The following SLC25A24 variants were observed in gnomAD, a reference collection of about 807,000 sequenced individuals.
SLC25A24 encodes solute carrier family 25 member 24, also known as mitochondrial adenyl nucleotide antiporter SLC25A24.
Under a neutral mutation model 60.7 loss-of-function variants are expected in SLC25A24, and 49 were observed. That is an observed-to-expected ratio of 0.81 (90% CI 0.64 to 1.02). The LOEUF is 1.02. SLC25A24 is among the 50% of genes least tolerant of loss of function. The probability of loss-of-function intolerance (pLI) is 0.00; values close to 1 mark genes in which losing one functional copy is unlikely to be tolerated. For missense variants in SLC25A24, 564 were observed against 586.3 expected, an observed-to-expected ratio of 0.96 and a Z score of 0.39; for synonymous variants, 202 against 200.6, an observed-to-expected ratio of 1.01 and a Z score of -0.06.
rs566728903 is a variant in SLC25A24 at position 108,192,767 on chromosome 1, G to A, written c.184-6813C>T. 67 of 1,339,432 alleles carry A rather than the reference G, an allele frequency of 5.0e-5. 22 individuals carry two copies. The East Asian group carries it at 2.3e-3, about 46-fold the overall frequency. The allele number at this position is 1,339,432 out of a possible 1,614,324, so 83.0% of individuals were successfully genotyped here. On this transcript the variant is annotated intron_variant, in intron 1 of 9. Transcript: ENST00000565488. ...CCTCCTCAGGGGCGCCAAACACAAT[G>A]CACCTTCATCGGTTAAAGCTCTGGA...
chr1:108,176,401 G>C (rs1251393928), intron 3 of SLC25A24, among the ~76,000 whole-genome samples: 3 of 152,118 alleles, frequency 2.0e-5, no homozygotes, highest in Non-Finnish European at 2.9e-5. Context: ...GCAAAGTTTT[G>C]AGTCACAGGA....
intron 3 of SLC25A24, among the ~76,000 whole-genome samples, chr1:108,179,373 C>T (rs1647830402): frequency 6.6e-6 from 1 of 152,024 alleles, no homozygotes; most frequent in South Asian, 2.1e-4. Context: ...TATGATCCTG[C>T]AATCCCACCA....
intron 4 of SLC25A24, among the ~76,000 whole-genome samples, chr1:108,160,312 A>T (rs1284714383): frequency 4.8e-5 from 7 of 146,452 alleles, no homozygotes; most frequent in Middle Eastern, 4.0e-3. Context: ...CACTTCCTAG[A>T]TGGGATGGCG....
chr1:108,155,983 A>ACACACT (rs1481382961), intron 5 of SLC25A24, among the ~76,000 whole-genome samples: 19 of 151,354 alleles, frequency 1.3e-4, no homozygotes, highest in African/African-American at 4.6e-4. Context: ...ACACACACAC[A>ACACACT]CTCACAGAAC....
chr1:108,170,237 G>A (rs1321543185), intron 3 of SLC25A24, among the ~76,000 whole-genome samples: 2 of 152,108 alleles, frequency 1.3e-5, no homozygotes, highest in African/African-American at 2.4e-5. Context: ...CATAAGTTGA[G>A]AAGTGTATAT....
intron 3 of SLC25A24, among the ~76,000 whole-genome samples, chr1:108,166,287 T>A (rs542132853): frequency 3.2e-4 from 48 of 151,780 alleles, no homozygotes; most frequent in African/African-American, 1.1e-3. Context: ...GTTGCTCTTC[T>A]CAAGGAGTAT....
rs536018341 is a variant in SLC25A24, at chr1:108,174,738, G to A, written c.398+7203C>T. 2.0e-5 allele frequency among the ~76,000 whole-genome samples: 3 copies of A among 152,304 alleles called. No homozygotes were observed. In the East Asian group the frequency reaches 5.8e-4, roughly 29 times the overall value. On this transcript the variant is annotated intron_variant, in intron 3 of 9. Transcript: ENST00000565488. ...AAGCCACAGGAGTGCAGATGCCCAA[G>A]GCCATGGGAGCCCACTTCTTGCATT...
chr1:108,144,018 G>A (rs1036949394), intron 7 of SLC25A24, among the ~76,000 whole-genome samples: 1 of 152,126 alleles, frequency 6.6e-6, no homozygotes, highest in African/African-American at 2.4e-5. Flanking sequence ...GAGGGAAATG[G>A]TAGTATAAAG....
chr1:108,144,904 T>C (rs1679544634), intron 7 of SLC25A24, among the ~76,000 whole-genome samples: 1 of 152,198 alleles, frequency 6.6e-6, no homozygotes, highest in South Asian at 2.1e-4. Flanking sequence ...TGTGCATGTG[T>C]CTTTATAGTA....
At chr1:108,160,927 G>C (rs1680057454) in intron 4 of SLC25A24, among the ~76,000 whole-genome samples, 1 of 152,178 alleles carries the variant, frequency 6.6e-6, no homozygotes, top group African/African-American at 2.4e-5. Context: ...CTCGGCATCA[G>C]AGGGAGACCG....
chr1:108,154,155 T>C (rs944026590), intron 6 of SLC25A24, among the ~76,000 whole-genome samples: 1 of 151,076 alleles, frequency 6.6e-6, no homozygotes, highest in Non-Finnish European at 1.5e-5. Context: ...AAGAGTATTC[T>C]CTTGCTCAAG....
chr1:108,190,544 T>C (rs140881600), intron 1 of SLC25A24, among the ~76,000 whole-genome samples: 288 of 152,320 alleles, frequency 1.9e-3, no homozygotes, highest in African/African-American at 6.7e-3. Flanking sequence ...GTTCTATTTT[T>C]ATTTATGGTC....
At chr1:108,195,732 C>CATG (rs1648474172) in intron 1 of SLC25A24, among the ~76,000 whole-genome samples, 1 of 152,118 alleles carries the variant, frequency 6.6e-6, no homozygotes, top group South Asian at 2.1e-4. Flanking sequence ...GCCATGGTAG[C>CATG]TCATGCCTGT....
chr1:108,178,340 A>G (rs1294979932), intron 3 of SLC25A24, among the ~76,000 whole-genome samples: 3 of 152,246 alleles, frequency 2.0e-5, no homozygotes, highest in Admixed American at 2.0e-4. Context: ...ACTATACTCT[A>G]GAACAAATGG....
At position 108,159,195 on chromosome 1, in the gene SLC25A24, G is replaced by A. The variant is rs562411782; in HGVS notation, c.511-1575C>T. ...TGGTATGAAATGCTAAGCAGATGAA[G>A]CAAAAAGATTCTGTAACCTTTAATG... On this transcript the variant is annotated intron_variant, in intron 4 of 9. Transcript: ENST00000565488. Among the ~76,000 whole-genome samples, 3 of 152,232 alleles carry A rather than the reference G, an allele frequency of 2.0e-5. No individual in the cohort carries two copies. The East Asian group carries it at 5.8e-4, about 29-fold the overall frequency.
chr1:108,173,702 C>A (rs1647565191), intron 3 of SLC25A24, among the ~76,000 whole-genome samples: 1 of 152,062 alleles, frequency 6.6e-6, no homozygotes, highest in East Asian at 1.9e-4. Context: ...ATTTGGAGAG[C>A]TCAGAAGACA....
chr1:108,187,927 G>GAGATATATATATATATATATATATAT (rs1553256780), intron 1 of SLC25A24, among the ~76,000 whole-genome samples: 17 of 95,746 alleles, frequency 1.8e-4, no homozygotes, highest in African/African-American at 7.1e-4. Flanking sequence ...AGACATTATA[G>GAGATATATATATATATATATATATAT]ATATATATAT....
intron 4 of SLC25A24, among the ~76,000 whole-genome samples, chr1:108,160,635 G>A (rs1680044147): frequency 6.6e-6 from 1 of 152,220 alleles, no homozygotes; most frequent in South Asian, 2.1e-4. Flanking sequence ...CCGAGATCAT[G>A]CCACTGCACC....
chr1:108,150,168 C>A (rs1446775447), intron 6 of SLC25A24, among the ~76,000 whole-genome samples: 1 of 152,210 alleles, frequency 6.6e-6, no homozygotes, highest in Non-Finnish European at 1.5e-5. Flanking sequence ...TGGACCCCCA[C>A]AGCACCTATC....
Sources: allele counts gnomAD v4.1 joint callset (sites outside exome capture counted in the v4.1 genomes callset), GRCh38; gene constraint gnomAD v4.1.1; transcripts MANE v1.5; gene names NCBI Gene and HGNC (gene_info 2026-07-23, HGNC 2026-07-21).